The following ENOSF1 variants were observed in gnomAD, a reference collection of about 807,000 sequenced individuals.
The protein encoded by ENOSF1 is mitochondrial enolase superfamily member 1.
ENOSF1 carries 73 observed loss-of-function variants against 68.2 expected under a neutral mutation model. That is an observed-to-expected ratio of 1.07 (90% CI 0.89 to 1.30). The LOEUF (loss-of-function observed/expected upper bound fraction) is 1.30. ENOSF1 is among the 50% of genes most tolerant of loss of function. The pLI is 0.00. For missense variants in ENOSF1, 589 were observed against 554.5 expected (o/e 1.06, Z -0.62); for synonymous variants, 223 against 210.4 (o/e 1.06, Z -0.52).
At chr18:692,770 C>T (rs1249241253) in intron 5 of ENOSF1, 4 of 1,000,158 alleles carry the variant, frequency 4.0e-6, no homozygotes, top group East Asian at 1.0e-4. Context: ...AAACGCCAAC[C>T]TTGAATCTAG....
intron 2 of ENOSF1, among the ~76,000 whole-genome samples, chr18:701,120 T>C (rs2078297724): frequency 6.6e-6 from 1 of 152,106 alleles, no homozygotes; most frequent in African/African-American, 2.4e-5. Context: ...AAGAGTGGTG[T>C]CATAAACTCT....
Position 670,897 on chromosome 18 carries a change from A to G in ENOSF1, c.*3408T>C. The G allele has an allele frequency of 1.9e-6, 3 of 1,611,980 alleles. No homozygotes were observed. The highest frequency in any genetic ancestry group is 2.5e-6 in the Non-Finnish European group (3 of 1,178,678). ...GCTGTCTCGGGAAGGGTGACTTGCC[A>G]GCCTACCACACTGAGCTCTTCAGTT... On this transcript the variant is annotated 3_prime_UTR_variant, in exon 16 of 16. Transcript: ENST00000647584.
At chr18:708,836 G>T (rs1045402712) in intron 1 of ENOSF1, among the ~76,000 whole-genome samples, 2 of 152,136 alleles carry the variant, frequency 1.3e-5, no homozygotes, top group Non-Finnish European at 2.9e-5. Flanking sequence ...GCCCACCTGG[G>T]TTGGCTGAGC....
chr18:674,168 AT>A lies in ENOSF1; in HGVS notation c.*136del. ...GAATCAAGTAATAATTACTTAGCTG[AT>A]TCCTGAGGGTGGTATGACTTCTAGC... On this transcript the variant is annotated 3_prime_UTR_variant, in exon 16 of 16. Transcript: ENST00000647584. 3 of 636,614 alleles carry A rather than the reference AT, an allele frequency of 4.7e-6. No individual in the cohort carries two copies. The South Asian group carries it at 6.1e-5, about 13-fold the overall frequency. 39.4% of individuals were successfully genotyped at this position (636,614 alleles called of 1,614,324 possible). A position where few individuals can be genotyped will look rare whatever the true frequency, so the allele number is the denominator to read the frequency against.
rs757587075 is a variant in ENOSF1 at position 712,608 on chromosome 18, G to C, written c.-21C>G. On this transcript the variant is annotated 5_prime_UTR_variant, in exon 1 of 16. Transcript: ENST00000647584. Reference sequence around the variant, plus strand: ...ACCATGGCCCCTGCGCCCCGTGGCCGCGGCCCCCGTGCGGTCAGGACTGGT... The same window carrying C: ...ACCATGGCCCCTGCGCCCCGTGGCCCCGGCCCCCGTGCGGTCAGGACTGGT... 6.5e-7 allele frequency: 1 copy of C among 1,531,512 alleles called. No individual in the cohort carries two copies. Among genetic ancestry groups the C allele is most frequent in the Non-Finnish European group, 8.7e-7 (1 of 1,143,638 alleles). The allele number at this position is 1,531,512 out of a possible 1,614,324, so 94.9% of individuals were successfully genotyped here.
chr18:698,341 G>C (rs888664704), intron 2 of ENOSF1, among the ~76,000 whole-genome samples: 9 of 152,252 alleles, frequency 5.9e-5, no homozygotes, highest in African/African-American at 1.9e-4. Context: ...GAATAAGAAG[G>C]CTGACTTCAT....
In ENOSF1 at chr18:688,578, T is replaced by C. The variant is rs747794065; in HGVS notation, c.649A>G (p.Thr217Ala). The change falls in exon 9 of 16, where the codon ACC becomes GCC. Residue 217 changes from threonine (T) to alanine (A), a missense_variant. Physicochemically the swap from Thr to Ala is moderately conservative, Grantham distance 58. Transcript: ENST00000647584. ...CAGGTCCATCATCACACTCACCTGG[T>C]CCAGCCATCCTTCAGCGCCTGGGCA... ...LCAQALKDGW[T>A]RFKVKVGADL... 1 of 1,614,094 alleles carries C rather than the reference T, an allele frequency of 6.2e-7. No homozygotes were observed.
At chr18:689,752 G>A (rs2076963083) in intron 8 of ENOSF1, among the ~76,000 whole-genome samples, 1 of 149,674 alleles carries the variant, frequency 6.7e-6, no homozygotes, top group Non-Finnish European at 1.5e-5. Flanking sequence ...CATCTCCTGA[G>A]TGATAGGAGT....
intron 14 of ENOSF1, among the ~76,000 whole-genome samples, chr18:676,699 C>T (rs761964809): frequency 4.6e-5 from 7 of 152,198 alleles, no homozygotes; most frequent in South Asian, 2.1e-4. Flanking sequence ...AAAGACAGCA[C>T]CTGTCTACTC....
chr18:684,188 G>A (rs1442212763), intron 10 of ENOSF1, among the ~76,000 whole-genome samples: 2 of 151,676 alleles, frequency 1.3e-5, no homozygotes, highest in Non-Finnish European at 2.9e-5. Context: ...GTAGAGACGG[G>A]GTTTCACCAT....
intron 1 of ENOSF1, among the ~76,000 whole-genome samples, chr18:709,769 A>T (rs918912787): frequency 1.4e-5 from 2 of 145,150 alleles, no homozygotes; most frequent in Non-Finnish European, 3.0e-5. Context: ...GACTCTGTCT[A>T]AAAAAAAAAA....
chr18:693,155 T>A, intron 5 of ENOSF1: 1 of 1,289,066 alleles, frequency 7.8e-7, no homozygotes, highest in South Asian at 1.2e-5. Context: ...TTTTTCCTCC[T>A]CAGCATCCAG....
downstream of ENOSF1, among the ~76,000 whole-genome samples, chr18:668,896 G>A (rs1261281218): frequency 2.4e-5 from 3 of 124,868 alleles, no homozygotes; most frequent in Admixed American, 2.3e-4. Flanking sequence ...AGTCAGACAG[G>A]GCCTTGAACT....
intron 8 of ENOSF1, among the ~76,000 whole-genome samples, chr18:689,026 T>A (rs1374410983): frequency 6.6e-6 from 1 of 152,168 alleles, no homozygotes; most frequent in East Asian, 1.9e-4. Flanking sequence ...CTGCATGCCA[T>A]GTGCCAGCCA....
Position 670,834 on chromosome 18 carries a change from CACGTACATGATT to C in ENOSF1, c.*3459_*3470del. On this transcript the variant is annotated 3_prime_UTR_variant, in exon 16 of 16. Coordinates refer to ENST00000647584, the MANE Select transcript of ENOSF1 (RefSeq NM_017512.7). ...TCAACATCGCCAGCTACGCCCTGCTCACGTACATGATTGCGCACATCACGGGCCTGAAGGTGG... is the reference window on the plus strand; with the variant it reads ...TCAACATCGCCAGCTACGCCCTGCTCGCGCACATCACGGGCCTGAAGGTGG... The C allele has an allele frequency of 6.2e-7, 1 of 1,614,038 alleles. No homozygotes were observed.
intron 1 of ENOSF1, chr18:706,805 A>G (rs1163723760): frequency 2.7e-5 from 3 of 110,088 alleles, no homozygotes; most frequent in East Asian, 4.4e-4. Flanking sequence ...ATGTATGTAT[A>G]TATATATATA....
At chr18:693,650 A>T in intron 5 of ENOSF1, 1 of 985,312 alleles carries the variant, frequency 1.0e-6, no homozygotes, top group South Asian at 4.7e-5. Flanking sequence ...ACAGTGGGGG[A>T]GGCAGGACCC....
intron 14 of ENOSF1, 79 bp from the exon 15 acceptor site, chr18:675,481 G>T: frequency 1.6e-6 from 2 of 1,230,580 alleles, no homozygotes; most frequent in Non-Finnish European, 1.2e-6. Context: ...AGCAGAAGGA[G>T]CGAGTACCAC....
intron 2 of ENOSF1, among the ~76,000 whole-genome samples, chr18:704,151 T>TG (rs1283732820): frequency 1.3e-5 from 2 of 152,132 alleles, no homozygotes; most frequent in Admixed American, 6.6e-5. Context: ...AAAAATAGCC[T>TG]GGCTCAGAGT....
Sources: gnomAD v4.1 joint callset for allele counts (sites outside exome capture counted in the v4.1 genomes callset) on GRCh38, gnomAD v4.1.1 for gene constraint, MANE v1.5 for transcripts, NCBI Gene and HGNC (gene_info 2026-07-23, HGNC 2026-07-21) for gene names.